Variants in NYAP2 observed in about 807,000 individuals in gnomAD.
NYAP2 encodes neuronal tyrosine-phosphorylated phosphoinositide-3-kinase adapter 2.
Under a neutral mutation model 50.4 loss-of-function variants are expected in NYAP2, and 23 were observed. That is an observed-to-expected ratio of 0.46 (90% CI 0.33 to 0.65). NYAP2 has a LOEUF of 0.65. Among genes scored for constraint, NYAP2 ranks in the 30% least tolerant of loss-of-function variants. The pLI is 0.02. For missense variants in NYAP2, 885 were observed against 861.0 expected (o/e 1.03, Z -0.35); for synonymous variants, 394 against 365.2 (o/e 1.08, Z -0.90).
intron 6 of NYAP2, among the ~76,000 whole-genome samples, chr2:225,631,288 T>G (rs938629992): frequency 2.0e-5 from 3 of 152,228 alleles, no homozygotes; most frequent in African/African-American, 7.2e-5. Flanking sequence ...TTCTTCCATA[T>G]CAAAACCCCA....
At chr2:225,461,966 T>C (rs1225243310) in intron 3 of NYAP2, among the ~76,000 whole-genome samples, 1 of 152,194 alleles carries the variant, frequency 6.6e-6, no homozygotes, top group Non-Finnish European at 1.5e-5. Flanking sequence ...TGAATGTGGG[T>C]GTCTCAACAT....
At chr2:225,504,929 A>ATAGTTG (rs1690676669) in intron 3 of NYAP2, among the ~76,000 whole-genome samples, 1 of 151,560 alleles carries the variant, frequency 6.6e-6, no homozygotes, top group African/African-American at 2.4e-5. Context: ...AGTTGCTTGA[A>ATAGTTG]CCTGGGAGGC....
chr2:225,430,216 A>G (rs1394454097), intron 3 of NYAP2, among the ~76,000 whole-genome samples: 1 of 152,172 alleles, frequency 6.6e-6, no homozygotes, highest in African/African-American at 2.4e-5. Context: ...TATTGAACTC[A>G]CCATGACTGG....
At chr2:225,566,219 T>C (rs1014767707) in intron 4 of NYAP2, among the ~76,000 whole-genome samples, 2 of 152,316 alleles carry the variant, frequency 1.3e-5, no homozygotes, top group East Asian at 1.9e-4. Flanking sequence ...TTACTATTAT[T>C]ACTGAAGTTA....
chr2:225,530,840 C>T (rs1422578711), intron 4 of NYAP2, among the ~76,000 whole-genome samples: 1 of 152,164 alleles, frequency 6.6e-6, no homozygotes, highest in African/African-American at 2.4e-5. Context: ...GATTGCACTC[C>T]TTCACTTGCC....
chr2:225,599,262 G>T (rs984697570), intron 5 of NYAP2, among the ~76,000 whole-genome samples: 1 of 152,206 alleles, frequency 6.6e-6, no homozygotes, highest in East Asian at 1.9e-4. Flanking sequence ...CTGAGGAAGC[G>T]AAAGAAAGAC....
chr2:225,563,906 G>A (rs1054628881), intron 4 of NYAP2, among the ~76,000 whole-genome samples: 4 of 151,992 alleles, frequency 2.6e-5, no homozygotes, highest in Non-Finnish European at 5.9e-5. Flanking sequence ...TGACTTGGGG[G>A]TGGGAAAAGC....
chr2:225,415,153 C>T (rs1695103103), intron 3 of NYAP2, among the ~76,000 whole-genome samples: 1 of 152,010 alleles, frequency 6.6e-6, no homozygotes, highest in African/African-American at 2.4e-5. Context: ...TATATTTCCT[C>T]TTTAAAAGTG....
chr2:225,622,535 TTC>T (rs1278311954), intron 5 of NYAP2, among the ~76,000 whole-genome samples: 3 of 49,514 alleles, frequency 6.1e-5, no homozygotes, highest in Admixed American at 3.3e-4. Flanking sequence ...CTTTCTTTCT[TTC>T]TTTCTTTCTT....
chr2:225,419,956 T>C (rs996410121), intron 3 of NYAP2, among the ~76,000 whole-genome samples: 2 of 152,220 alleles, frequency 1.3e-5, no homozygotes, highest in African/African-American at 4.8e-5. Context: ...ACATATTTTG[T>C]TCTTTTTCCT....
At chr2:225,607,766 A>T (rs1349295486) in intron 5 of NYAP2, among the ~76,000 whole-genome samples, 4 of 152,122 alleles carry the variant, frequency 2.6e-5, no homozygotes, top group African/African-American at 7.2e-5. Context: ...GTCAGGTCTT[A>T]AATGGAAAAG....
At position 225,501,675 on chromosome 2, in the gene NYAP2, G is replaced by A. The variant is rs147727796; in HGVS notation, c.222-11696G>A. On this transcript the variant is annotated intron_variant, in intron 3 of 6. Coordinates refer to ENST00000636099, the Ensembl canonical transcript of NYAP2. Reference sequence around the variant, plus strand: ...TAGCTAATCATACCTAAGCCTCATAGTATCATTGTAGTTTTTCTTTCCAAT... The same window carrying A: ...TAGCTAATCATACCTAAGCCTCATAATATCATTGTAGTTTTTCTTTCCAAT... Among the ~76,000 whole-genome samples the A allele has an allele frequency of 1.8e-3, 278 of 152,236 alleles. 1 individual carries two copies. The highest frequency in any genetic ancestry group is 6.4e-3 in the African/African-American group (264 of 41,534).
At chr2:225,679,057 G>A in the NYAP2 span, among the ~76,000 whole-genome samples, 657 of 152,230 alleles carry the variant, frequency 4.3e-3, 9 homozygotes, top group African/African-American at 0.015. Context: ...TCCCAGCTAA[G>A]AAAGAGAGAT....
chr2:225,682,920 G>A, the NYAP2 span, among the ~76,000 whole-genome samples: 16 of 152,154 alleles, frequency 1.1e-4, no homozygotes, highest in Middle Eastern at 6.8e-3. Flanking sequence ...TAATACTCTT[G>A]ACAATGGAAG....
chr2:225,418,398 G>T (rs1361103829), intron 3 of NYAP2, among the ~76,000 whole-genome samples: 1 of 152,118 alleles, frequency 6.6e-6, no homozygotes, highest in East Asian at 1.9e-4. Context: ...AGTAAGGGCA[G>T]GGCAGGGAGA....
chr2:225,475,644 A>G (rs906230535), intron 3 of NYAP2, among the ~76,000 whole-genome samples: 1 of 152,222 alleles, frequency 6.6e-6, no homozygotes, highest in Non-Finnish European at 1.5e-5. Context: ...TAAGTTTCAT[A>G]TCTGAAAATA....
In NYAP2 at chr2:225,506,795, C is replaced by T. The variant is rs140369341; in HGVS notation, c.222-6576C>T. The stretch of plus-strand genomic sequence containing the variant: ...CAGGTGACAGTGGCCCACCTGCCCA[C>T]AGGCAAATCTCATCCTCTTCTTTAC... On this transcript the variant is annotated intron_variant, in intron 3 of 6. Coordinates refer to ENST00000636099, the Ensembl canonical transcript of NYAP2. Among the ~76,000 whole-genome samples, 1,153 of 152,278 alleles carry T rather than the reference C, an allele frequency of 7.6e-3. 53 individuals are homozygous for T. The highest frequency in any genetic ancestry group is 0.069 in the Admixed American group (1,061 of 15,292).
chr2:225,471,594 T>G (rs1574631495), intron 3 of NYAP2, among the ~76,000 whole-genome samples: 1 of 152,216 alleles, frequency 6.6e-6, no homozygotes, highest in African/African-American at 2.4e-5. Context: ...TCCAAACACC[T>G]GCATGGCTGC....
chr2:225,564,843 A>T (rs1038673302), intron 4 of NYAP2, among the ~76,000 whole-genome samples: 1 of 152,090 alleles, frequency 6.6e-6, no homozygotes, highest in African/African-American at 2.4e-5. Flanking sequence ...AACCTAAGGG[A>T]TATATCTATG....
Sources: gnomAD v4.1 joint callset for allele counts (sites outside exome capture counted in the v4.1 genomes callset) on GRCh38, gnomAD v4.1.1 for gene constraint, MANE v1.5 for transcripts, NCBI Gene and HGNC (gene_info 2026-07-23, HGNC 2026-07-21) for gene names.